The following SPTB variants were observed in gnomAD, a reference collection of about 807,000 sequenced individuals.
SPTB encodes spectrin beta chain, erythrocytic.
In SPTB, 45 loss-of-function variants were observed where a neutral mutation model predicts 256.2. That is an observed-to-expected ratio of 0.18 (90% CI 0.14 to 0.23). The LOEUF (loss-of-function observed/expected upper bound fraction) is 0.23, where lower values mean the gene tolerates loss of function less well. SPTB is among the 10% of genes least tolerant of loss of function. SPTB has a pLI of 1.00. For synonymous variants in SPTB, 1,231 were observed against 1,243.1 expected, an observed-to-expected ratio of 0.99 and a Z score of 0.21; for missense variants, 2,715 against 3,040.4, an observed-to-expected ratio of 0.89 and a Z score of 2.52.
chr14:64,870,369 G>A (rs1882457700), intron 1 of SPTB, among the ~76,000 whole-genome samples: 1 of 151,056 alleles, frequency 6.6e-6, no homozygotes, highest in South Asian at 2.1e-4. Context: ...CAAACAGCAA[G>A]AGGAAAGGAG....
intron 15 of SPTB, among the ~76,000 whole-genome samples, chr14:64,788,829 G>C (rs1398440711): frequency 6.6e-6 from 1 of 152,188 alleles, no homozygotes; most frequent in Non-Finnish European, 1.5e-5. Flanking sequence ...GTTATCACTG[G>C]TCAGGCAACA....
At chr14:64,822,370 T>A (rs865871204) in intron 2 of SPTB, among the ~76,000 whole-genome samples, 79 of 1,450 alleles carry the variant, frequency 0.054, no homozygotes, top group East Asian at 0.22. Context: ...TCTCTCTCTC[T>A]CTCTCACACA....
At chr14:64,854,918 G>A (rs2083848123) in intron 1 of SPTB, among the ~76,000 whole-genome samples, 1 of 152,218 alleles carries the variant, frequency 6.6e-6, no homozygotes, top group African/African-American at 2.4e-5. Context: ...TGGCTGGGAA[G>A]GGCTGCTGAT....
rs1458440867 is a variant in SPTB, at chr14:64,764,869, A to T, written c.6345+1857T>A. 6.6e-6 allele frequency among the ~76,000 whole-genome samples: 1 copy of T among 152,054 alleles called. No homozygotes were observed. Among genetic ancestry groups the T allele is most frequent in the Non-Finnish European group, 1.5e-5 (1 of 68,006 alleles). ...GGGACACAGTCCACCACAGACAGGG[A>T]GGCGACCCCACATGCGATGACGGGA... On this transcript the variant is annotated intron_variant, in intron 32 of 35. Coordinates refer to ENST00000644917, the MANE Select transcript of SPTB (RefSeq NM_001355436.2). The surrounding 1 kb of genome is among the most constrained non-coding windows in gnomAD (Gnocchi z 4.2).
At chr14:64,776,597 C>T (rs561841364) in intron 22 of SPTB, among the ~76,000 whole-genome samples, 3 of 151,320 alleles carry the variant, frequency 2.0e-5, no homozygotes, top group Admixed American at 2.0e-4. Context: ...TGTACCACCA[C>T]ATCTGGCTAA....
In SPTB at chr14:64,752,568, T is replaced by C. The variant is rs372856610; in HGVS notation, c.6602+969A>G. Among the ~76,000 whole-genome samples, 11 of 152,284 alleles carry C rather than the reference T, an allele frequency of 7.2e-5. 1 individual carries two copies. Among genetic ancestry groups the C allele is most frequent in the Admixed American group, 6.5e-4 (10 of 15,296 alleles). Reference sequence around the variant, plus strand: ...GAGACTCTGTTATCCCCTTGGAAAATAGAAACATCAATGTCACAGGATTGT... The same window carrying C: ...GAGACTCTGTTATCCCCTTGGAAAACAGAAACATCAATGTCACAGGATTGT... On this transcript the variant is annotated intron_variant, in intron 33 of 35. Transcript: ENST00000644917.
In SPTB at chr14:64,847,392, G is replaced by A. The variant is rs141865884; in HGVS notation, c.-51-24247C>T. ...TCATGTCTCAGGCTAAGAGGACCCC[G>A]ATGTGGGCATCTAGGGGAGAATTTT... is the stretch of plus-strand genomic sequence containing the variant. On this transcript the variant is annotated intron_variant, in intron 1 of 35. Coordinates refer to ENST00000644917, the MANE Select transcript of SPTB (RefSeq NM_001355436.2). The surrounding 1 kb of genome is among the most constrained non-coding windows in gnomAD (Gnocchi z 5.9). Among the ~76,000 whole-genome samples the A allele has an allele frequency of 1.2e-4, 18 of 152,314 alleles. No individual in the cohort carries two copies. The highest frequency in any genetic ancestry group is 1.0e-3 in the South Asian group (5 of 4,822).
At chr14:64,800,095 A>T (rs575042913) in intron 8 of SPTB, among the ~76,000 whole-genome samples, 161 bp from the exon 9 acceptor site, 1 of 152,360 alleles carries the variant, frequency 6.6e-6, no homozygotes, top group Admixed American at 6.5e-5. Context: ...GTGTGCTGGT[A>T]GGGCAGAAGG....
rs772353461 is a variant in SPTB at position 64,786,476 on chromosome 14, G to A, written c.3489C>T (p.Thr1163=). 5.0e-6 allele frequency: 8 copies of A among 1,614,010 alleles called. No homozygotes were observed. In the African/African-American group the frequency reaches 8.0e-5, roughly 16 times the overall value. Residue 1163 remains threonine, a synonymous_variant, in exon 16 of 36, where the codon ACC becomes ACT. Transcript: ENST00000644917. This position sits in a 1 kb window ranked among gnomAD's most constrained non-coding sequence, Gnocchi z 5.6. ...LGRMWESRSH[T]LAQCLGFQEF... ...CCTGGAAGCCAAGGCACTGAGCGAGGGTGTGGCTGCGGCTCTCCCACATCC... is the reference window on the plus strand; with the variant it reads ...CCTGGAAGCCAAGGCACTGAGCGAGAGTGTGGCTGCGGCTCTCCCACATCC...
chr14:64,800,807 G>A lies in SPTB; in HGVS notation c.825C>T (p.His275=), dbSNP rs1054520140. 6 of 1,614,244 alleles carry A rather than the reference G, an allele frequency of 3.7e-6. No homozygotes were observed. The highest frequency in any genetic ancestry group is 1.1e-5 in the South Asian group (1 of 91,082). The change falls in exon 8 of 36, where the codon CAC becomes CAT. Residue 275 remains histidine (H), a synonymous_variant. Transcript: ENST00000644917. ...SIITYVVAFY[H]YFSKMKVLAV... ...CCAGCACCTTCATCTTGGAGAAGTA[G>A]TGGTAAAAGGCCACCACATAGGTGA...
chr14:64,784,090 G>C (rs1385991218), intron 19 of SPTB, among the ~76,000 whole-genome samples, 157 bp downstream of exon 19: 1 of 152,224 alleles, frequency 6.6e-6, no homozygotes, highest in Non-Finnish European at 1.5e-5. Context: ...ACTACATCAG[G>C]AGCTCTGAAG....
Position 64,753,415 on chromosome 14 carries a change from A to T in SPTB, c.6602+122T>A, listed in dbSNP as rs1005950775. ...CCCAGAGGGGTGTCTAGGAGCTCTC[A>T]CAGGCCAAGGCAGAAGGCACCCCTC... On this transcript the variant is annotated intron_variant, in intron 33 of 35. Transcript: ENST00000644917. 1.1e-5 allele frequency: 17 copies of T among 1,498,320 alleles called. No homozygotes were observed. In the South Asian group the frequency reaches 1.9e-4, roughly 17 times the overall value. 92.8% of individuals were successfully genotyped at this position (1,498,320 alleles called of 1,614,324 possible). A position where few individuals can be genotyped will look rare whatever the true frequency, so the allele number is the denominator to read the frequency against.
Position 64,784,390 on chromosome 14 carries a change from T to C in SPTB, c.3859A>G (p.Thr1287Ala), listed in dbSNP as rs1197292878. 1 of 1,614,104 alleles carries C rather than the reference T, an allele frequency of 6.2e-7. No individual in the cohort carries two copies. Among genetic ancestry groups the C allele is most frequent in the South Asian group, 1.1e-5 (1 of 91,084 alleles). The part of the protein sequence containing the change: ...QNFLQNCQEL[T>A]LWINDKLLTS... ...AGCAGCTTGTCGTTGATCCAGAGAG[T>C]GAGCTGTGTGCATAAAGAGTGGGCT... The change falls in exon 19 of 36, where the codon ACT becomes GCT. Residue 1287 changes from threonine (T) to alanine (A), a missense_variant. Around this residue, in one of 4 missense-constraint regions of SPTB, gnomAD observed 2,239 missense variants for 2,384.4 expected, o/e 0.94. Transcript: ENST00000644917.
chr14:64,783,817 C>T (rs191290693), intron 19 of SPTB, among the ~76,000 whole-genome samples: 26 of 152,282 alleles, frequency 1.7e-4, no homozygotes, highest in East Asian at 3.9e-4. Context: ...GGAGTGGAAA[C>T]GACCACTCCC....
chr14:64,749,543 G>C lies in SPTB; in HGVS notation c.6820-70C>G. The C allele has an allele frequency of 6.2e-7, 1 of 1,601,490 alleles. No individual in the cohort carries two copies. Among genetic ancestry groups the C allele is most frequent in the Non-Finnish European group, 8.5e-7 (1 of 1,178,266 alleles). On this transcript the variant is annotated intron_variant, in intron 35 of 35. Coordinates refer to ENST00000644917, the MANE Select transcript of SPTB (RefSeq NM_001355436.2). This position sits in a 1 kb window ranked among gnomAD's most constrained non-coding sequence, Gnocchi z 4.7. ...CCCACCTCCCGGGCCAGGCAACAATGGTGGGGGCTCTTGGGACTGCCCCTT... is the reference window on the plus strand; with the variant it reads ...CCCACCTCCCGGGCCAGGCAACAATCGTGGGGGCTCTTGGGACTGCCCCTT...
In SPTB at chr14:64,754,005, T is replaced by G. The variant is rs1213434223; in HGVS notation, c.6346-212A>C. On this transcript the variant is annotated intron_variant, in intron 32 of 35. Coordinates refer to ENST00000644917, the MANE Select transcript of SPTB (RefSeq NM_001355436.2). ...CTCTGCCTGTGCTTCTGGCTCCATT[T>G]CCACCCCATTCTCCCTTCAGAGAGC... 4.5e-6 allele frequency: 3 copies of G among 662,314 alleles called. No homozygotes were observed. In the African/African-American group the frequency reaches 5.3e-5, roughly 12 times the overall value. The allele number at this position is 662,314 out of a possible 1,614,324, so 41.0% of individuals were successfully genotyped here.
intron 1 of SPTB, among the ~76,000 whole-genome samples, chr14:64,860,080 C>G (rs1295554019): frequency 1.3e-5 from 2 of 152,120 alleles, no homozygotes; most frequent in African/African-American, 4.8e-5. Context: ...TGGCCTGATC[C>G]TTGAGCTTCT....
Position 64,779,615 on chromosome 14 carries a change from G to C in SPTB, c.4473+110C>G. The C allele has an allele frequency of 9.5e-7, 1 of 1,056,182 alleles. No individual in the cohort carries two copies. The highest frequency in any genetic ancestry group is 1.7e-5 in the Admixed American group (1 of 59,296). The allele number at this position is 1,056,182 out of a possible 1,614,324, so 65.4% of individuals were successfully genotyped here. ...ACAAGAACCCTATGAGATAAGGGGT[G>C]AGGTGACCAGTCATCTACTGCCAAA... On this transcript the variant is annotated intron_variant, in intron 21 of 35. Transcript: ENST00000644917. This position sits in a 1 kb window ranked among gnomAD's most constrained non-coding sequence, Gnocchi z 4.2.
chr14:64,800,904 T>C, intron 7 of SPTB, 36 bp from the exon 8 acceptor site: 2 of 1,551,166 alleles, frequency 1.3e-6, no homozygotes, highest in Non-Finnish European at 1.8e-6. Context: ...AGGACCAAAC[T>C]GGAAGTCGGG....
Sources: gnomAD v4.1 joint callset for allele counts (sites outside exome capture counted in the v4.1 genomes callset) on GRCh38, gnomAD v4.1.1 for gene constraint, gnomAD v4.1.1 regional missense constraint, Gnocchi (gnomAD v3.1) non-coding constraint, MANE v1.5 for transcripts, NCBI Gene and HGNC (gene_info 2026-07-23, HGNC 2026-07-21) for gene names.